Variants in SESN1 observed in about 807,000 individuals in gnomAD.
SESN1 encodes the protein sestrin 1, also known as sestrin-1.
Under a neutral mutation model 59.3 loss-of-function variants are expected in SESN1, and 30 were observed. That is an observed-to-expected ratio of 0.51 (90% CI 0.38 to 0.69). SESN1 has a LOEUF of 0.69. SESN1 is among the 30% of genes least tolerant of loss of function. The pLI, the probability that SESN1 is intolerant of heterozygous loss-of-function variation, is 0.00. For synonymous variants in SESN1, 197 were observed against 219.9 expected, an observed-to-expected ratio of 0.90 and a Z score of 0.92; for missense variants, 566 against 673.0, an observed-to-expected ratio of 0.84 and a Z score of 1.76.
intron 1 of SESN1, among the ~76,000 whole-genome samples, chr6:109,082,043 T>C (rs1781129948): frequency 6.6e-6 from 1 of 152,224 alleles, no homozygotes; most frequent in Admixed American, 6.5e-5. Context: ...AAACAATCAC[T>C]TGCTTTCCTA....
At chr6:109,074,991 C>T (rs1242197672) in intron 1 of SESN1, among the ~76,000 whole-genome samples, 1 of 152,204 alleles carries the variant, frequency 6.6e-6, no homozygotes, top group African/African-American at 2.4e-5. Context: ...AGGCCTCTCC[C>T]ACTGAGGCAT....
In SESN1 at chr6:108,988,403, T is replaced by C. The variant is rs986081614; in HGVS notation, c.1569+140A>G. ...ATAATCAGGTTCCCTTCTGAAGGGG[T>C]ACCTGAGACAGCTGTCCTGGAATGT... On this transcript the variant is annotated intron_variant, in intron 9 of 9. Coordinates refer to ENST00000436639, the MANE Select transcript of SESN1 (RefSeq NM_014454.3). 1.9e-5 allele frequency: 12 copies of C among 640,696 alleles called. No homozygotes were observed. In the African/African-American group the frequency reaches 2.2e-4, roughly 12 times the overall value. 39.7% of individuals were successfully genotyped at this position (640,696 alleles called of 1,614,324 possible). A position where few individuals can be genotyped will look rare whatever the true frequency, so the allele number is the denominator to read the frequency against.
At chr6:109,012,160 G>T (rs981951254) in intron 1 of SESN1, among the ~76,000 whole-genome samples, 2 of 151,968 alleles carry the variant, frequency 1.3e-5, no homozygotes, top group Admixed American at 6.6e-5. Context: ...AAAGGGCTGT[G>T]TTTTTGATAT....
At chr6:108,992,297 G>A (rs1427250165) in intron 7 of SESN1, among the ~76,000 whole-genome samples, 1 of 151,414 alleles carries the variant, frequency 6.6e-6, no homozygotes, top group Non-Finnish European at 1.5e-5. Context: ...TATTTTTTTT[G>A]TGGAGACAGG....
Position 108,998,588 on chromosome 6 carries a change from G to T in SESN1, c.897C>A (p.Asn299Lys). 1 of 1,613,952 alleles carries T rather than the reference G, an allele frequency of 6.2e-7. No individual in the cohort carries two copies. The highest frequency in any genetic ancestry group is 8.5e-7 in the Non-Finnish European group (1 of 1,179,830). ...CATTTGTAATGTCACAGATGCAGTA[G>T]TTGCTAACAGAAGGAGGTCTGAATG... Reference protein sequence around the residue: ...GHTFRPPSVSNYCICDITNGN... With the variant: ...GHTFRPPSVSKYCICDITNGN... The change falls in exon 5 of 10, where the codon AAC becomes AAA. Residue 299 changes from asparagine (N) to lysine (K), a missense_variant. Physicochemically the swap from Asn to Lys is moderately conservative, Grantham distance 94. Coordinates refer to ENST00000436639, the MANE Select transcript of SESN1 (RefSeq NM_014454.3).
At chr6:108,993,267 C>A (rs905094699) in intron 6 of SESN1, among the ~76,000 whole-genome samples, 1 of 152,090 alleles carries the variant, frequency 6.6e-6, no homozygotes, top group Admixed American at 6.5e-5. Flanking sequence ...CAAAATTTAG[C>A]ACTTAGATTA....
chr6:109,021,873 C>A (rs1026706809), intron 1 of SESN1, among the ~76,000 whole-genome samples: 3 of 152,086 alleles, frequency 2.0e-5, no homozygotes, highest in African/African-American at 7.2e-5. Flanking sequence ...GACTTTTAAA[C>A]CCTAATAATT....
chr6:109,066,146 G>A (rs912125225), intron 1 of SESN1, among the ~76,000 whole-genome samples: 53 of 152,076 alleles, frequency 3.5e-4, no homozygotes, highest in African/African-American at 1.1e-3. Context: ...GTTAGATCCT[G>A]TATCTTGATT....
intron 1 of SESN1, among the ~76,000 whole-genome samples, chr6:109,012,841 G>A (rs539068633): frequency 1.3e-5 from 2 of 152,140 alleles, no homozygotes; most frequent in Non-Finnish European, 2.9e-5. Context: ...TAGGCCGGGC[G>A]TGGTGGCTTA....
chr6:109,089,650 C>A (rs1449629008), intron 1 of SESN1, among the ~76,000 whole-genome samples: 2 of 152,154 alleles, frequency 1.3e-5, no homozygotes, highest in African/African-American at 2.4e-5. Flanking sequence ...CCCTGCCACT[C>A]TTTTGTCTCA....
intron 1 of SESN1, among the ~76,000 whole-genome samples, chr6:109,025,415 A>G (rs146917046): frequency 1.0e-3 from 157 of 151,918 alleles, no homozygotes; most frequent in African/African-American, 3.4e-3. Context: ...TACAATTCCA[A>G]TGAATATAAG....
chr6:108,990,156 T>C (rs1001237813), intron 8 of SESN1, among the ~76,000 whole-genome samples: 10 of 152,222 alleles, frequency 6.6e-5, no homozygotes, highest in African/African-American at 2.4e-4. Context: ...CAATGTAACA[T>C]AGTAACATGG....
chr6:108,992,394 G>C (rs544862072), intron 7 of SESN1, among the ~76,000 whole-genome samples: 4 of 152,276 alleles, frequency 2.6e-5, no homozygotes, highest in African/African-American at 9.6e-5. Context: ...TGGGATCACA[G>C]GCGGGAGCCA....
chr6:109,080,638 G>A (rs1781105401), intron 1 of SESN1, among the ~76,000 whole-genome samples: 1 of 152,138 alleles, frequency 6.6e-6, no homozygotes. Context: ...AAACAATTTG[G>A]GAAAGAAAGT....
chr6:109,089,750 A>G (rs562793221), intron 1 of SESN1, among the ~76,000 whole-genome samples: 10 of 152,310 alleles, frequency 6.6e-5, no homozygotes, highest in African/African-American at 1.4e-4. Context: ...TCTAAATCCA[A>G]CTAAATACTA....
intron 1 of SESN1, among the ~76,000 whole-genome samples, chr6:109,076,283 A>T (rs912903190): frequency 3.9e-5 from 6 of 152,218 alleles, no homozygotes; most frequent in Admixed American, 2.0e-4. Flanking sequence ...GCTGAATATC[A>T]GTCCTAGTTT....
At chr6:109,002,406 G>A in intron 1 of SESN1, 63 bp from the exon 2 acceptor site, 1 of 1,313,876 alleles carries the variant, frequency 7.6e-7, no homozygotes, top group East Asian at 2.3e-5. Flanking sequence ...TGAGGCTAAA[G>A]GAATGGGAGG....
chr6:109,040,525 C>T (rs766062663), intron 1 of SESN1, among the ~76,000 whole-genome samples: 4 of 151,848 alleles, frequency 2.6e-5, no homozygotes, highest in South Asian at 2.1e-4. Context: ...CTTAGGGTAA[C>T]GCCAGCAAAT....
At chr6:109,009,708 C>G (rs1779821711) in intron 1 of SESN1, among the ~76,000 whole-genome samples, 1 of 152,050 alleles carries the variant, frequency 6.6e-6, no homozygotes, top group South Asian at 2.1e-4. Flanking sequence ...CGGTCTGACG[C>G]GGCGAGGTGA....
Sources: allele counts gnomAD v4.1 joint callset (sites outside exome capture counted in the v4.1 genomes callset), GRCh38; gene constraint gnomAD v4.1.1; transcripts MANE v1.5; gene names NCBI Gene and HGNC (gene_info 2026-07-23, HGNC 2026-07-21).